DENND5B: variants seen among roughly 807,000 people sequenced by gnomAD.
DENND5B encodes DENN domain containing 5B.
In DENND5B, 34 loss-of-function variants were observed where a neutral mutation model predicts 140.6. The ratio of observed to expected loss-of-function variants is 0.24; its 90% CI spans 0.18 to 0.32. The LOEUF (loss-of-function observed/expected upper bound fraction) is 0.32. Ranked by LOEUF, DENND5B falls within the 10% of genes least tolerant of loss-of-function variation. DENND5B has a pLI of 1.00. For missense variants in DENND5B, 1,142 were observed against 1,560.2 expected (o/e 0.73, Z 4.52); for synonymous variants, 551 against 562.1 (o/e 0.98, Z 0.28).
chr12:31,440,109 G>T (rs1015024601), intron 7 of DENND5B, among the ~76,000 whole-genome samples: 3 of 151,946 alleles, frequency 2.0e-5, no homozygotes, highest in Admixed American at 6.6e-5. Context: ...CTGAAAAATA[G>T]AATATTGTAT....
At chr12:31,457,662 A>ATAT (rs1944833096) in intron 4 of DENND5B, among the ~76,000 whole-genome samples, 1 of 152,146 alleles carries the variant, frequency 6.6e-6, no homozygotes, top group Non-Finnish European at 1.5e-5. Context: ...CTTTTCTTAT[A>ATAT]AAACAATGAT....
chr12:31,578,749 C>CA (rs143858573), intron 1 of DENND5B, among the ~76,000 whole-genome samples: 1,751 of 152,288 alleles, frequency 0.011, 23 homozygotes, highest in African/African-American at 0.04. Context: ...CAGTTGAGGA[C>CA]AGCTGGTCTG....
At chr12:31,415,327 G>C in intron 12 of DENND5B, 40 bp downstream of exon 12, 3 of 1,500,584 alleles carry the variant, frequency 2.0e-6, no homozygotes, top group Non-Finnish European at 2.7e-6. Flanking sequence ...ATACTTCAAA[G>C]TTATCACCAC....
intron 1 of DENND5B, among the ~76,000 whole-genome samples, chr12:31,497,104 T>A (rs866602444): frequency 3.2e-4 from 47 of 148,122 alleles, no homozygotes; most frequent in Non-Finnish European, 2.7e-4. Context: ...GGTAAAAATA[T>A]GAAAAAAAAA....
intron 5 of DENND5B, among the ~76,000 whole-genome samples, chr12:31,449,135 C>T (rs570998932): frequency 2.6e-5 from 4 of 152,134 alleles, no homozygotes; most frequent in African/African-American, 9.6e-5. Context: ...TTTATTTTTG[C>T]ATGGCAGAAG....
At position 31,384,512 on chromosome 12, in the gene DENND5B, G is replaced by A. The variant is rs1322269837; in HGVS notation, c.*3091C>T. The A allele has an allele frequency of 1.3e-5, 2 of 152,214 alleles. No homozygotes were observed. Among genetic ancestry groups the A allele is most frequent in the Non-Finnish European group, 2.9e-5 (2 of 68,066 alleles). 9.4% of individuals were successfully genotyped at this position (152,214 alleles called of 1,614,324 possible). A position where few individuals can be genotyped will look rare whatever the true frequency, so the allele number is the denominator to read the frequency against. The stretch of plus-strand genomic sequence containing the variant: ...CTGGCCATTCAAGCAGCTCACACAA[G>A]GAGGGCCCCACATGTTTATAGCACA... On this transcript the variant is annotated 3_prime_UTR_variant, in exon 21 of 21. Coordinates refer to ENST00000389082, the MANE Select transcript of DENND5B (RefSeq NM_144973.4).
At chr12:31,586,291 T>C (rs1950391116) in intron 1 of DENND5B, among the ~76,000 whole-genome samples, 1 of 152,228 alleles carries the variant, frequency 6.6e-6, no homozygotes, top group South Asian at 2.1e-4. Flanking sequence ...TTTGAAACCT[T>C]TTCCTTATCT....
At chr12:31,488,361 T>C (rs1474996255) in intron 2 of DENND5B, among the ~76,000 whole-genome samples, 1 of 152,166 alleles carries the variant, frequency 6.6e-6, no homozygotes, top group East Asian at 1.9e-4. Flanking sequence ...ATTTAATTGA[T>C]AGGCGTTCCT....
Position 31,402,598 on chromosome 12 carries a change from T to C in DENND5B, c.2849A>G (p.Asn950Ser), listed in dbSNP as rs1238462805. 9 of 1,613,836 alleles carry C rather than the reference T, an allele frequency of 5.6e-6. No individual in the cohort carries two copies. The highest frequency in any genetic ancestry group is 6.8e-6 in the Non-Finnish European group (8 of 1,179,782). Residue 950 changes from asparagine to serine, a missense_variant, in exon 15 of 21, where the codon AAT (asparagine) becomes AGT (serine). Physicochemically the swap from Asn to Ser is conservative, Grantham distance 46. Around this residue, in one of 5 missense-constraint regions of DENND5B, gnomAD observed 268 missense variants for 349.2 expected, o/e 0.77. Coordinates refer to ENST00000389082, the MANE Select transcript of DENND5B (RefSeq NM_144973.4). ...SVIIPIKKLS[N>S]AIITSNPWIC... is the part of the protein sequence containing the mutation. ...CCAAGGGTTTGATGTGATTATTGCA[T>C]TGCTCAGCTTTTTGATTGGGATGAT...
chr12:31,531,221 A>T (rs1421161262), intron 1 of DENND5B, among the ~76,000 whole-genome samples: 1 of 151,672 alleles, frequency 6.6e-6, no homozygotes, highest in African/African-American at 2.4e-5. Flanking sequence ...TTACTTTGAG[A>T]CGGAGTCTCG....
intron 3 of DENND5B, among the ~76,000 whole-genome samples, chr12:31,464,526 A>G (rs1206220557): frequency 1.3e-5 from 2 of 152,004 alleles, no homozygotes; most frequent in African/African-American, 4.8e-5. Context: ...CCAATACCCC[A>G]TCATCTCCTA....
chr12:31,442,005 T>C (rs1729065327), intron 7 of DENND5B, among the ~76,000 whole-genome samples: 1 of 152,222 alleles, frequency 6.6e-6, no homozygotes, highest in Non-Finnish European at 1.5e-5. Flanking sequence ...CTTTACTGTT[T>C]GGTGTTCCTT....
At chr12:31,525,576 C>T (rs1948057749) in intron 1 of DENND5B, among the ~76,000 whole-genome samples, 1 of 152,130 alleles carries the variant, frequency 6.6e-6, no homozygotes, top group African/African-American at 2.4e-5. Flanking sequence ...TGAAGATGTT[C>T]TAACATTTAT....
In DENND5B at chr12:31,385,123, G is replaced by A. The variant is rs780268854; in HGVS notation, c.*2480C>T. 6.6e-6 allele frequency: 1 copy of A among 152,102 alleles called. No individual in the cohort carries two copies. 9.4% of individuals were successfully genotyped at this position (152,102 alleles called of 1,614,324 possible). ...GATGTTAATTCCCAATAATCTGAGAGCAATGTGTTAATATGAATATTAATT... is the reference window on the plus strand; with the variant it reads ...GATGTTAATTCCCAATAATCTGAGAACAATGTGTTAATATGAATATTAATT... On this transcript the variant is annotated 3_prime_UTR_variant, in exon 21 of 21. Transcript: ENST00000389082.
intron 1 of DENND5B, among the ~76,000 whole-genome samples, chr12:31,572,744 C>T (rs570490669): frequency 6.6e-5 from 10 of 152,246 alleles, no homozygotes; most frequent in African/African-American, 9.6e-5. Flanking sequence ...GTATGACACC[C>T]TCTAATTCTG....
At chr12:31,460,447 G>T in intron 3 of DENND5B, 66 bp from the exon 4 acceptor site, 5 of 1,482,096 alleles carry the variant, frequency 3.4e-6, no homozygotes, top group East Asian at 2.3e-5. Flanking sequence ...TCATTAAGCT[G>T]GAAAATGTGG....
intron 8 of DENND5B, among the ~76,000 whole-genome samples, chr12:31,429,367 G>A (rs1392513799): frequency 6.6e-6 from 1 of 152,148 alleles, no homozygotes; most frequent in Non-Finnish European, 1.5e-5. Context: ...ATGTAACAAG[G>A]TCTATATAAA....
rs1399702795 is a variant in DENND5B, at chr12:31,396,053, C to CCTGTTTTTTTTTTTTTT, written c.3256+2121_3256+2122insAAAAAAAAAAAAAACAG. Among the ~76,000 whole-genome samples the CCTGTTTTTTTTTTTTTT allele has an allele frequency of 1.9e-5, 2 of 102,844 alleles. 1 individual carries two copies. Among genetic ancestry groups the CCTGTTTTTTTTTTTTTT allele is most frequent in the Non-Finnish European group, 3.9e-5 (2 of 51,544 alleles). The allele number at this position is 102,844 out of a possible 152,430, so 67.5% of individuals were successfully genotyped here. A position where few individuals can be genotyped will look rare whatever the true frequency, so the allele number is the denominator to read the frequency against. Reference sequence around the variant, plus strand: ...TAGCTTCTGGTGGCTGTTGGCATTCCTTGTTTTTTTTTTTTTTTTTTTTTT... The same window carrying CCTGTTTTTTTTTTTTTT: ...TAGCTTCTGGTGGCTGTTGGCATTCCCTGTTTTTTTTTTTTTTTTGTTTTTTTTTTTTTTTTTTTTTT... On this transcript the variant is annotated intron_variant, in intron 17 of 20. Transcript: ENST00000389082.
intron 20 of DENND5B, among the ~76,000 whole-genome samples, chr12:31,388,622 ATAC>A (rs945529871): frequency 2.6e-5 from 4 of 152,012 alleles, no homozygotes; most frequent in Admixed American, 2.6e-4. Flanking sequence ...GAAAAAACAA[ATAC>A]TACATGGGTA....
Sources: gnomAD v4.1 joint callset for allele counts (sites outside exome capture counted in the v4.1 genomes callset) on GRCh38, gnomAD v4.1.1 for gene constraint, gnomAD v4.1.1 regional missense constraint, MANE v1.5 for transcripts, NCBI Gene and HGNC (gene_info 2026-07-23, HGNC 2026-07-21) for gene names.